The following GPR39 variants were observed in gnomAD, a reference collection of about 807,000 sequenced individuals.
GPR39 encodes G protein-coupled receptor 39, also known as zinc sensing receptor.
In GPR39, 23 loss-of-function variants were observed where a neutral mutation model predicts 18.4. That is an observed-to-expected ratio of 1.25 (90% CI 0.90 to 1.77). The LOEUF is 1.77. Among genes scored for constraint, GPR39 ranks in the 40% most tolerant of loss-of-function variants. The pLI is 0.00. For missense variants in GPR39, 647 were observed against 602.4 expected (o/e 1.07, Z -0.78); for synonymous variants, 280 against 257.9 (o/e 1.09, Z -0.82).
At chr2:132,624,409 A>T (rs1423628986) in intron 1 of GPR39, among the ~76,000 whole-genome samples, 3 of 152,232 alleles carry the variant, frequency 2.0e-5, no homozygotes, top group African/African-American at 7.2e-5. Context: ...TCTTCATGAT[A>T]GTGACCATGA....
chr2:132,510,930 A>G (rs969596431), intron 1 of GPR39, among the ~76,000 whole-genome samples: 3 of 152,202 alleles, frequency 2.0e-5, no homozygotes, highest in Admixed American at 6.5e-5. Context: ...AAGAGAAAAT[A>G]GAATGATGAT....
intron 1 of GPR39, among the ~76,000 whole-genome samples, chr2:132,628,488 C>G (rs946311905): frequency 6.6e-6 from 1 of 152,162 alleles, no homozygotes; most frequent in African/African-American, 2.4e-5. Context: ...CAGGCAGCCT[C>G]TCCAGAAAAT....
chr2:132,630,547 C>T (rs933627521), intron 1 of GPR39, among the ~76,000 whole-genome samples: 2 of 152,186 alleles, frequency 1.3e-5, no homozygotes, highest in African/African-American at 4.8e-5. Flanking sequence ...AGGTTAATAA[C>T]AAGCCATCGA....
chr2:132,581,801 A>C (rs1437771498), intron 1 of GPR39, among the ~76,000 whole-genome samples: 1 of 152,212 alleles, frequency 6.6e-6, no homozygotes, highest in Non-Finnish European at 1.5e-5. Context: ...TTCAGTGGCT[A>C]ATGAAGTATG....
chr2:132,635,832 A>C (rs1233927841), intron 1 of GPR39, among the ~76,000 whole-genome samples: 2 of 152,086 alleles, frequency 1.3e-5, no homozygotes, highest in Non-Finnish European at 2.9e-5. Flanking sequence ...AGGACGAGTG[A>C]ACATAAAAGA....
chr2:132,596,377 A>G (rs1680948381), intron 1 of GPR39, among the ~76,000 whole-genome samples: 1 of 151,972 alleles, frequency 6.6e-6, no homozygotes. Flanking sequence ...CCTCCAGCAC[A>G]TAGTAAGTGC....
chr2:132,559,264 A>G (rs573994819), intron 1 of GPR39, among the ~76,000 whole-genome samples: 2 of 152,320 alleles, frequency 1.3e-5, no homozygotes, highest in African/African-American at 4.8e-5. Context: ...AGAGTGAGAT[A>G]TGGCTTTGTA....
chr2:132,571,389 A>G (rs1408410881), intron 1 of GPR39, among the ~76,000 whole-genome samples: 1 of 152,216 alleles, frequency 6.6e-6, no homozygotes, highest in Non-Finnish European at 1.5e-5. Flanking sequence ...CAGATCAAAC[A>G]CATTTTTAAA....
At chr2:132,427,166 G>GT (rs1680140111) in intron 1 of GPR39, among the ~76,000 whole-genome samples, 2 of 35,460 alleles carry the variant, frequency 5.6e-5, no homozygotes, top group Non-Finnish European at 5.1e-5. Context: ...ATATATATAT[G>GT]AAATTTTTTT....
At chr2:132,510,498 AG>A (rs1264984835) in intron 1 of GPR39, among the ~76,000 whole-genome samples, 3 of 152,088 alleles carry the variant, frequency 2.0e-5, no homozygotes, top group African/African-American at 4.8e-5. Context: ...ACTGTTTTTC[AG>A]GGTTGAGGGC....
At chr2:132,614,537 C>A (rs548129637) in intron 1 of GPR39, among the ~76,000 whole-genome samples, 1 of 151,994 alleles carries the variant, frequency 6.6e-6, no homozygotes, top group East Asian at 2.0e-4. Flanking sequence ...CCGCACCCAG[C>A]CAGCCAAGGA....
chr2:132,642,704 A>C (rs558523612), intron 1 of GPR39, among the ~76,000 whole-genome samples: 3 of 152,206 alleles, frequency 2.0e-5, no homozygotes, highest in African/African-American at 7.2e-5. Flanking sequence ...TGTTCAGCTC[A>C]TGGTTAGTAC....
At chr2:132,424,837 C>T (rs1319812861) in intron 1 of GPR39, among the ~76,000 whole-genome samples, 1 of 152,192 alleles carries the variant, frequency 6.6e-6, no homozygotes, top group Non-Finnish European at 1.5e-5. Context: ...GAGCAGCTGA[C>T]ACTGGTGAGT....
chr2:132,646,292 A>G lies in GPR39; in HGVS notation c.*686A>G, dbSNP rs921962484. ...GCGGTACATGATCCCTGTAACACAGACCCAAAGGAGCTGAGTTAACGTGCA... is the reference window on the plus strand; with the variant it reads ...GCGGTACATGATCCCTGTAACACAGGCCCAAAGGAGCTGAGTTAACGTGCA... On this transcript the variant is annotated 3_prime_UTR_variant, in exon 2 of 2. Coordinates refer to ENST00000329321, the MANE Select transcript of GPR39 (RefSeq NM_001508.3). 1.2e-5 allele frequency: 17 copies of G among 1,442,988 alleles called. No individual in the cohort carries two copies. Among genetic ancestry groups the G allele is most frequent in the Non-Finnish European group, 1.4e-5 (15 of 1,089,012 alleles). The allele number at this position is 1,442,988 out of a possible 1,614,324, so 89.4% of individuals were successfully genotyped here.
chr2:132,510,241 G>A (rs1284370865), intron 1 of GPR39, among the ~76,000 whole-genome samples: 1 of 152,178 alleles, frequency 6.6e-6, no homozygotes, highest in African/African-American at 2.4e-5. Flanking sequence ...TGTGTCCAGT[G>A]AGACAAAACA....
intron 1 of GPR39, among the ~76,000 whole-genome samples, chr2:132,418,951 T>C (rs1437632553): frequency 1.3e-5 from 2 of 152,152 alleles, no homozygotes; most frequent in African/African-American, 4.8e-5. Flanking sequence ...TGTGGGCAAC[T>C]GGGCAGCAGG....
chr2:132,514,736 A>G (rs1679302033), intron 1 of GPR39, among the ~76,000 whole-genome samples: 1 of 152,230 alleles, frequency 6.6e-6, no homozygotes, highest in Non-Finnish European at 1.5e-5. Context: ...CCCTAGATAT[A>G]TTAAATAAAT....
intron 1 of GPR39, among the ~76,000 whole-genome samples, chr2:132,523,274 CCAT>C (rs1444243409): frequency 6.6e-6 from 1 of 152,178 alleles, no homozygotes; most frequent in Non-Finnish European, 1.5e-5. Flanking sequence ...TCTTTTGTCA[CCAT>C]CGTTTCATAA....
chr2:132,645,060 T>C, intron 1 of GPR39, 41 bp from the exon 2 acceptor site: 1 of 1,575,774 alleles, frequency 6.3e-7, no homozygotes, highest in Admixed American at 1.8e-5. Context: ...ATGCTGTGTT[T>C]TTCTTTTCTC....
Sources: allele counts gnomAD v4.1 joint callset (sites outside exome capture counted in the v4.1 genomes callset), GRCh38; gene constraint gnomAD v4.1.1; transcripts MANE v1.5; gene names NCBI Gene and HGNC (gene_info 2026-07-23, HGNC 2026-07-21).